The following VPS13B variants were observed in gnomAD, a reference collection of about 807,000 sequenced individuals.
VPS13B encodes vacuolar protein sorting 13 homolog B.
Under a neutral mutation model 426.4 loss-of-function variants are expected in VPS13B, and 285 were observed. That is an observed-to-expected ratio of 0.67 (90% CI 0.61 to 0.74). VPS13B has a LOEUF of 0.74. Among genes scored for constraint, VPS13B ranks in the 30% least tolerant of loss-of-function variants. VPS13B has a pLI of 0.00. For missense variants in VPS13B, 4,537 were observed against 4,782.6 expected (o/e 0.95, Z 1.51); for synonymous variants, 1,676 against 1,676.4 (o/e 1.00, Z 0.01).
rs1276582461 is a variant in VPS13B, at chr8:99,135,113, A to G, written c.1401A>G (p.Glu467=). 1.9e-6 allele frequency: 3 copies of G among 1,613,386 alleles called. No individual in the cohort carries two copies. The highest frequency in any genetic ancestry group is 2.7e-5 in the African/African-American group (2 of 74,910). Residue 467 remains glutamate (E), a synonymous_variant, in exon 10 of 62, where the codon GAA becomes GAG. Transcript: ENST00000357162. ...LKGIMGVKDF[E]ENMNRSETEA... ...GAATTATGGGTGTTAAAGATTTTGA[A>G]GAGAATATGAATAGAAGTGAAACTG...
chr8:99,781,903 G>A (rs572934050), intron 42 of VPS13B, among the ~76,000 whole-genome samples: 1 of 152,186 alleles, frequency 6.6e-6, no homozygotes, highest in South Asian at 2.1e-4. Flanking sequence ...AAAGAAAAAT[G>A]TTTACAAGTA....
rs192593308 is a variant in VPS13B, at chr8:99,238,935, A to G, written c.2516-35263A>G. 6.4e-3 allele frequency among the ~76,000 whole-genome samples: 976 copies of G among 152,222 alleles called. 7 individuals are homozygous for G. Among genetic ancestry groups the G allele is most frequent in the African/African-American group, 0.022 (904 of 41,538 alleles). ...ATCTTTTTCCCCTCTCCAAAAATCT[A>G]CTGAGAGAGGAAGGTATTTATTTGG... On this transcript the variant is annotated intron_variant, in intron 17 of 61. Transcript: ENST00000357162.
chr8:99,464,009 A>T (rs1054756197), intron 23 of VPS13B, among the ~76,000 whole-genome samples: 2 of 152,156 alleles, frequency 1.3e-5, no homozygotes, highest in South Asian at 2.1e-4. Flanking sequence ...CTGTCTTTAA[A>T]TAAGTTAAAT....
chr8:99,066,097 A>G (rs907943570), intron 3 of VPS13B, among the ~76,000 whole-genome samples: 3 of 152,264 alleles, frequency 2.0e-5, no homozygotes, highest in Non-Finnish European at 2.9e-5. Context: ...TATAGATTCA[A>G]TGCCATCCCC....
Position 99,574,506 on chromosome 8 carries a change from A to G in VPS13B, c.4950-1152A>G, listed in dbSNP as rs569332086. On this transcript the variant is annotated intron_variant, in intron 31 of 61. Coordinates refer to ENST00000357162, the MANE Select transcript of VPS13B (RefSeq NM_152564.5). ...ACCTAATTTATTGAGAGTTTTTAGC[A>G]TGAAGCGTTGTTGAATTTTGTCAAA... Among the ~76,000 whole-genome samples, 49 of 152,312 alleles carry G rather than the reference A, an allele frequency of 3.2e-4. 1 individual carries two copies. The Middle Eastern group carries it at 0.031, about 95-fold the overall frequency.
At chr8:99,554,471 G>A (rs1824443551) in intron 30 of VPS13B, among the ~76,000 whole-genome samples, 1 of 152,062 alleles carries the variant, frequency 6.6e-6, no homozygotes, top group South Asian at 2.1e-4. Flanking sequence ...GTACAGATAG[G>A]TTCTCCGCCT....
At chr8:99,265,432 T>C (rs1455479653) in intron 17 of VPS13B, among the ~76,000 whole-genome samples, 1 of 152,206 alleles carries the variant, frequency 6.6e-6, no homozygotes, top group Non-Finnish European at 1.5e-5. Context: ...CTAAGCCTGG[T>C]ACTTAGTAAA....
chr8:99,372,048 G>A (rs1280711339), intron 19 of VPS13B, among the ~76,000 whole-genome samples: 6 of 151,974 alleles, frequency 3.9e-5, no homozygotes, highest in South Asian at 2.1e-4. Context: ...TCAGGAGATC[G>A]AGACCATCCT....
chr8:99,822,662 G>A (rs1359997704), intron 50 of VPS13B, among the ~76,000 whole-genome samples: 2 of 152,146 alleles, frequency 1.3e-5, no homozygotes, highest in Non-Finnish European at 2.9e-5. Context: ...TTATGCTTTG[G>A]TAGTGACTCA....
At chr8:99,466,319 T>A (rs1819111227) in intron 23 of VPS13B, among the ~76,000 whole-genome samples, 1 of 152,128 alleles carries the variant, frequency 6.6e-6, no homozygotes, top group South Asian at 2.1e-4. Flanking sequence ...CTATTACCTC[T>A]CTAATTAGAA....
chr8:99,820,139 A>G lies in VPS13B; in HGVS notation c.8994+17A>G, dbSNP rs749842844. 1.9e-6 allele frequency: 3 copies of G among 1,606,362 alleles called. No homozygotes were observed. Among genetic ancestry groups the G allele is most frequent in the Non-Finnish European group, 1.7e-6 (2 of 1,173,636 alleles). ...AATTTTCAGGTACTATAACTTTTTTAACTAATACGAATTCTTATCTCTCAA... is the reference window on the plus strand; with the variant it reads ...AATTTTCAGGTACTATAACTTTTTTGACTAATACGAATTCTTATCTCTCAA... On this transcript the variant is annotated intron_variant, in intron 49 of 61. Coordinates refer to ENST00000357162, the MANE Select transcript of VPS13B (RefSeq NM_152564.5).
chr8:99,091,787 G>C (rs1183348932), intron 3 of VPS13B: 1 of 152,214 alleles, frequency 6.6e-6, no homozygotes, highest in African/African-American at 2.4e-5. Context: ...GGATAGAGGT[G>C]AATGTTCCTA....
In VPS13B at chr8:99,391,842, A is replaced by G. The variant is rs1814464928; in HGVS notation, c.3082+138A>G. On this transcript the variant is annotated intron_variant, in intron 21 of 61. Coordinates refer to ENST00000357162, the MANE Select transcript of VPS13B (RefSeq NM_152564.5). Reference sequence around the variant, plus strand: ...GACAAAGAACTTTATTATCCACAACATTAGCAATAATCACAGTATTAGCAT... The same window carrying G: ...GACAAAGAACTTTATTATCCACAACGTTAGCAATAATCACAGTATTAGCAT... 2.6e-6 allele frequency: 3 copies of G among 1,170,602 alleles called. No homozygotes were observed. The African/African-American group carries it at 4.6e-5, about 18-fold the overall frequency. The allele number at this position is 1,170,602 out of a possible 1,614,324, so 72.5% of individuals were successfully genotyped here.
chr8:99,095,754 G>A (rs1677655904), intron 3 of VPS13B, among the ~76,000 whole-genome samples: 1 of 152,010 alleles, frequency 6.6e-6, no homozygotes, highest in Admixed American at 6.6e-5. Context: ...TAATTTATTT[G>A]TTTCTGTTAC....
intron 33 of VPS13B, among the ~76,000 whole-genome samples, chr8:99,618,637 G>T (rs1291467500): frequency 6.6e-6 from 1 of 152,122 alleles, no homozygotes; most frequent in Admixed American, 6.6e-5. Context: ...GAAAACTGCC[G>T]ATGCTGCTAA....
chr8:99,712,774 A>C (rs1159230521), intron 36 of VPS13B, among the ~76,000 whole-genome samples: 1 of 152,080 alleles, frequency 6.6e-6, no homozygotes. Context: ...AAAAAAAAAA[A>C]AATAGGATTT....
chr8:99,876,326 T>TTCTC lies in VPS13B; in HGVS notation c.*662_*665dup, dbSNP rs1588821253. ...TTCTTTGAAAGCTGCTATGTGTATT[T>TTCTC]TCTCTGAAGTCTGCATTTTACTAAA... On this transcript the variant is annotated 3_prime_UTR_variant, in exon 62 of 62. Coordinates refer to ENST00000357162, the MANE Select transcript of VPS13B (RefSeq NM_152564.5). 6.5e-6 allele frequency: 1 copy of TTCTC among 152,734 alleles called. No homozygotes were observed. Among genetic ancestry groups the TTCTC allele is most frequent in the Non-Finnish European group, 1.5e-5 (1 of 68,518 alleles). The allele number at this position is 152,734 out of a possible 1,614,324, so 9.5% of individuals were successfully genotyped here.
chr8:99,853,875 G>A lies in VPS13B; in HGVS notation c.10486G>A (p.Glu3496Lys). Residue 3496 changes from glutamate (E) to lysine (K), a missense_variant, in exon 56 of 62, where the codon GAG (glutamate) becomes AAG (lysine). Transcript: ENST00000357162. Reference protein sequence around the residue: ...EGKSILCDINEFSFELKPARL... With the variant: ...EGKSILCDINKFSFELKPARL... ...CAAGAGCATCCTCTGTGATATTAAT[G>A]AGTTCAGCTTTGAATTAAAACCTGC... The A allele has an allele frequency of 6.2e-7, 1 of 1,614,224 alleles. No homozygotes were observed. Among genetic ancestry groups the A allele is most frequent in the East Asian group, 2.2e-5 (1 of 44,876 alleles).
chr8:99,653,551 A>T (rs1223548162), intron 34 of VPS13B, among the ~76,000 whole-genome samples: 1 of 151,646 alleles, frequency 6.6e-6, no homozygotes, highest in Non-Finnish European at 1.5e-5. Context: ...AGAATTTAAT[A>T]TGAAACAACC....
Sources: gnomAD v4.1 joint callset for allele counts (sites outside exome capture counted in the v4.1 genomes callset) on GRCh38, gnomAD v4.1.1 for gene constraint, MANE v1.5 for transcripts, NCBI Gene and HGNC (gene_info 2026-07-23, HGNC 2026-07-21) for gene names.